SPINK1: variants seen among roughly 807,000 people sequenced by gnomAD.
The protein encoded by SPINK1 is serine protease inhibitor Kazal-type 1.
A neutral mutation model predicts 9.5 loss-of-function variants in SPINK1; 5 were observed. The ratio of observed to expected loss-of-function variants is 0.52; its 90% CI spans 0.27 to 1.10. The LOEUF is 1.10. SPINK1 is among the 50% of genes least tolerant of loss of function. The pLI is 0.11. For synonymous variants in SPINK1, 37 were observed against 32.3 expected (o/e 1.14, Z -0.49); for missense variants, 88 against 92.7 (o/e 0.95, Z 0.21).
chr5:147,824,687 G>A lies in SPINK1; in HGVS notation c.214C>T (p.Leu72Phe). The A allele has an allele frequency of 1.2e-6, 2 of 1,613,946 alleles. No individual in the cohort carries two copies. The highest frequency in any genetic ancestry group is 1.7e-6 in the Non-Finnish European group (2 of 1,179,966). The change falls in exon 4 of 4, where the codon CTC (leucine) becomes TTC (phenylalanine). Residue 72 changes from leucine (L) to phenylalanine (F), a missense_variant. Physicochemically the swap from Leu to Phe is conservative, Grantham distance 22. Transcript: ENST00000296695. ...CAGCAAGGCCCAGATTTTTGAATGAGGATAGAAGTCTGGCGTTTCCTGCAG... is the reference window on the plus strand; with the variant it reads ...CAGCAAGGCCCAGATTTTTGAATGAAGATAGAAGTCTGGCGTTTCCTGCAG... Reference protein sequence around the residue: ...FENRKRQTSILIQKSGPC With the variant: ...FENRKRQTSIFIQKSGPC
At chr5:147,833,995 T>C (rs919221222), upstream of SPINK1, among the ~76,000 whole-genome samples, 1 of 152,170 alleles carries the variant, frequency 6.6e-6, no homozygotes, top group South Asian at 2.1e-4. Flanking sequence ...GGTTAAGTGG[T>C]ATTTTCTCAA....
chr5:147,831,539 G>A lies in SPINK1; in HGVS notation c.39C>T (p.Ala13=). The A allele has an allele frequency of 6.2e-7, 1 of 1,613,582 alleles. No individual in the cohort carries two copies. The highest frequency in any genetic ancestry group is 1.1e-5 in the South Asian group (1 of 91,068). Residue 13 remains alanine (A), a synonymous_variant, in exon 1 of 4, where the codon GCC becomes GCT. Transcript: ENST00000296695. ...AACACTTACCAGATAGACTCAACAG[G>A]GCCAAGGCACTGAGAAGAAAGATGC... The part of the protein sequence containing the change: ...VTGIFLLSAL[A]LLSLSGNTGA...
chr5:147,835,069 G>C (rs941506934), upstream of SPINK1, among the ~76,000 whole-genome samples: 1 of 151,904 alleles, frequency 6.6e-6, no homozygotes. Flanking sequence ...TTAAAAACTG[G>C]CCCTAAATTT....
chr5:147,838,777 C>T, the SPINK1 span, among the ~76,000 whole-genome samples: 1 of 152,124 alleles, frequency 6.6e-6, no homozygotes, highest in East Asian at 1.9e-4. Flanking sequence ...AATCCATCAT[C>T]AACTTTCCTA....
the SPINK1 span, among the ~76,000 whole-genome samples, chr5:147,837,970 G>A: frequency 1.4e-4 from 21 of 152,048 alleles, no homozygotes. Flanking sequence ...ACAAAGTGCT[G>A]GGATTACAGG....
chr5:147,831,383 C>A, intron 1 of SPINK1, 140 bp downstream of exon 1: 1 of 1,067,538 alleles, frequency 9.4e-7, no homozygotes, highest in South Asian at 1.5e-5. Context: ...TAATTCTTAC[C>A]TGTTGATTTT....
At chr5:147,828,242 T>C (rs1197028936) in intron 2 of SPINK1, 114 bp from the exon 3 acceptor site, 2 of 841,830 alleles carry the variant, frequency 2.4e-6, no homozygotes, top group Non-Finnish European at 3.9e-6. Flanking sequence ...GGGAGAATGA[T>C]ACTGTGTGTT....
upstream of SPINK1, chr5:147,831,847 G>C (rs998123624): frequency 7.6e-7 from 1 of 1,322,620 alleles, no homozygotes; most frequent in Non-Finnish European, 9.7e-7. Flanking sequence ...TAGTTCTAGT[G>C]GTTAGTTTGA....
upstream of SPINK1, among the ~76,000 whole-genome samples, chr5:147,834,805 C>A (rs528715667): frequency 2.6e-5 from 4 of 151,992 alleles, no homozygotes; most frequent in African/African-American, 9.6e-5. Context: ...TGACTGTGAA[C>A]CTAAAGTAAA....
upstream of SPINK1, among the ~76,000 whole-genome samples, chr5:147,833,608 G>A (rs1756546462): frequency 6.6e-6 from 1 of 151,956 alleles, no homozygotes; most frequent in South Asian, 2.1e-4. Flanking sequence ...CTCAATCCTG[G>A]ACACTTCTCA....
chr5:147,837,423 G>A, the SPINK1 span, among the ~76,000 whole-genome samples: 1 of 152,146 alleles, frequency 6.6e-6, no homozygotes, highest in African/African-American at 2.4e-5. Context: ...GAGTTGTTAT[G>A]AGGAATTAAG....
chr5:147,824,738 T>C (rs751376620), intron 3 of SPINK1, 32 bp from the exon 4 acceptor site: 1 of 1,606,546 alleles, frequency 6.2e-7, no homozygotes, highest in South Asian at 1.1e-5. Flanking sequence ...ATATATCAGC[T>C]TAAACTTCAC....
At chr5:147,835,951 A>G (rs1043570261), upstream of SPINK1, among the ~76,000 whole-genome samples, 5 of 152,040 alleles carry the variant, frequency 3.3e-5, no homozygotes, top group African/African-American at 7.2e-5. Flanking sequence ...AATAGGTTGC[A>G]TGTGTACCTA....
chr5:147,831,699 T>C (rs978573312), upstream of SPINK1: 4 of 1,536,518 alleles, frequency 2.6e-6, no homozygotes, highest in African/African-American at 5.5e-5. Context: ...TACTGGGCTA[T>C]ATCACAGATC....
intron 3 of SPINK1, among the ~76,000 whole-genome samples, chr5:147,825,196 C>G (rs1381569643): frequency 1.3e-5 from 2 of 152,102 alleles, no homozygotes; most frequent in Non-Finnish European, 2.9e-5. Flanking sequence ...TTCTAAACAT[C>G]CTCCCCTCCA....
At chr5:147,827,132 A>G (rs1756421293) in intron 3 of SPINK1, 1 of 151,538 alleles carries the variant, frequency 6.6e-6, no homozygotes, top group African/African-American at 2.4e-5. Context: ...GTTGGAGTGC[A>G]GTGGCACAAT....
chr5:147,835,243 G>A (rs1490960105), upstream of SPINK1, among the ~76,000 whole-genome samples: 1 of 152,016 alleles, frequency 6.6e-6, no homozygotes, highest in African/African-American at 2.4e-5. Context: ...GTGTTCATTT[G>A]GTGTGAGAAT....
At chr5:147,832,673 T>C (rs1324682073), upstream of SPINK1, among the ~76,000 whole-genome samples, 1 of 152,170 alleles carries the variant, frequency 6.6e-6, no homozygotes, top group Non-Finnish European at 1.5e-5. Flanking sequence ...CTGTGGAAAT[T>C]GGGGCTTGGG....
chr5:147,825,763 G>A (rs1447608053), intron 3 of SPINK1, among the ~76,000 whole-genome samples: 1 of 152,032 alleles, frequency 6.6e-6, no homozygotes, highest in Non-Finnish European at 1.5e-5. Flanking sequence ...ATTTTTTAAT[G>A]CTTTCTTGTC....
Sources: gnomAD v4.1 joint callset for allele counts (sites outside exome capture counted in the v4.1 genomes callset) on GRCh38, gnomAD v4.1.1 for gene constraint, MANE v1.5 for transcripts, NCBI Gene and HGNC (gene_info 2026-07-23, HGNC 2026-07-21) for gene names.